The following RSRC1 variants were observed in gnomAD, a reference collection of about 807,000 sequenced individuals.
RSRC1 encodes arginine and serine rich coiled-coil 1.
Under a neutral mutation model 49.1 loss-of-function variants are expected in RSRC1, and 39 were observed. That is an observed-to-expected ratio of 0.79 (90% confidence interval 0.61 to 1.04). The LOEUF is 1.04. RSRC1 is among the 50% of genes least tolerant of loss of function. The probability of loss-of-function intolerance (pLI) is 0.00; values close to 1 mark genes in which losing one functional copy is unlikely to be tolerated. For synonymous variants in RSRC1, 143 were observed against 130.8 expected, an observed-to-expected ratio of 1.09 and a Z score of -0.63; for missense variants, 388 against 402.4, an observed-to-expected ratio of 0.96 and a Z score of 0.31.
intron 5 of RSRC1, among the ~76,000 whole-genome samples, chr3:158,333,180 G>A (rs1171349943): frequency 6.6e-6 from 1 of 152,054 alleles, no homozygotes; most frequent in Non-Finnish European, 1.5e-5. Flanking sequence ...ATGGTAGCCA[G>A]GATGGTCTCG....
intron 4 of RSRC1, among the ~76,000 whole-genome samples, chr3:158,292,677 C>G (rs1198865023): frequency 1.3e-5 from 2 of 152,200 alleles, no homozygotes; most frequent in East Asian, 3.9e-4. Flanking sequence ...CTGTCAATGT[C>G]TTGGATGTTG....
At chr3:158,200,631 G>C (rs1177948207) in intron 3 of RSRC1, among the ~76,000 whole-genome samples, 1 of 151,670 alleles carries the variant, frequency 6.6e-6, no homozygotes, top group Non-Finnish European at 1.5e-5. Context: ...GCAATCTATT[G>C]ACTTTTTAGC....
chr3:158,122,842 T>C (rs1404982556), intron 2 of RSRC1, among the ~76,000 whole-genome samples: 1 of 152,136 alleles, frequency 6.6e-6, no homozygotes, highest in Non-Finnish European at 1.5e-5. Context: ...TGGTTTTTTG[T>C]CCTTGCGATA....
chr3:158,381,826 G>A (rs1398793788), intron 6 of RSRC1, among the ~76,000 whole-genome samples: 3 of 152,152 alleles, frequency 2.0e-5, no homozygotes, highest in African/African-American at 7.2e-5. Flanking sequence ...AATAGACTTT[G>A]TAGGTGAGTC....
intron 4 of RSRC1, among the ~76,000 whole-genome samples, chr3:158,241,538 ATTTT>A (rs144276731): frequency 1.3e-5 from 2 of 149,238 alleles, no homozygotes; most frequent in Non-Finnish European, 3.0e-5. Context: ...AGTGTAGACT[ATTTT>A]TTTTTTCTAA....
intron 7 of RSRC1, among the ~76,000 whole-genome samples, chr3:158,474,942 G>A (rs960684250): frequency 6.6e-6 from 1 of 152,056 alleles, no homozygotes; most frequent in Non-Finnish European, 1.5e-5. Context: ...TTGAGATAGG[G>A]TCTTGCTTAG....
chr3:158,161,681 G>A (rs1274571358), intron 3 of RSRC1, among the ~76,000 whole-genome samples: 1 of 152,160 alleles, frequency 6.6e-6, no homozygotes, highest in African/African-American at 2.4e-5. Context: ...AGAATCGCTT[G>A]AACCTGGGAG....
At chr3:158,255,665 A>G (rs1724504131) in intron 4 of RSRC1, among the ~76,000 whole-genome samples, 1 of 152,180 alleles carries the variant, frequency 6.6e-6, no homozygotes, top group Non-Finnish European at 1.5e-5. Context: ...CAGTATGGCC[A>G]TTTTGATTCT....
chr3:158,486,146 A>G (rs564631223), intron 7 of RSRC1, among the ~76,000 whole-genome samples: 1 of 152,264 alleles, frequency 6.6e-6, no homozygotes, highest in South Asian at 2.1e-4. Context: ...AATATATTGT[A>G]TTACTCTTTT....
At position 158,487,955 on chromosome 3, in the gene RSRC1, A is replaced by AAAAAAAAAAAAAAAAAAAAC. The variant is rs1738892674; in HGVS notation, c.652+26953_652+26972dup. ...ACAAGAGACTCCATCTCAAGAAAAA[A>AAAAAAAAAAAAAAAAAAAAC]AAAAAAAAAAAAAAAAAAACTGGCT... On this transcript the variant is annotated intron_variant, in intron 7 of 9. Coordinates refer to ENST00000611884, the MANE Select transcript of RSRC1 (RefSeq NM_001271838.2). Among the ~76,000 whole-genome samples, 2 of 143,272 alleles carry AAAAAAAAAAAAAAAAAAAAC rather than the reference A, an allele frequency of 1.4e-5. 1 individual carries two copies. The highest frequency in any genetic ancestry group is 3.0e-5 in the Non-Finnish European group (2 of 66,170). The allele number at this position is 143,272 out of a possible 152,430, so 94.0% of individuals were successfully genotyped here.
At chr3:158,266,047 T>C (rs1725156926) in intron 4 of RSRC1, among the ~76,000 whole-genome samples, 2 of 152,180 alleles carry the variant, frequency 1.3e-5, no homozygotes, top group African/African-American at 2.4e-5. Context: ...CTGTTTTATT[T>C]ATCTATATAT....
chr3:158,484,848 T>A (rs1738756315), intron 7 of RSRC1, among the ~76,000 whole-genome samples: 1 of 152,126 alleles, frequency 6.6e-6, no homozygotes, highest in Admixed American at 6.6e-5. Flanking sequence ...CTGTAATTCT[T>A]CAGTAAAATG....
chr3:158,203,101 A>G lies in RSRC1; in HGVS notation c.350A>G (p.His117Arg), dbSNP rs752943218. ...RSRSRPRLRSHSRSSERSSHR... is the reference protein window; with the variant it reads ...RSRSRPRLRSRSRSSERSSHR... ...AGGTCAAGACCTCGTCTCCGTTCTC[A>G]TAGTCGTAGCAGTGAAAGGTCCAGT... is the stretch of plus-strand genomic sequence containing the variant. The change falls in exon 4 of 10, where the codon CAT (histidine) becomes CGT (arginine). Residue 117 changes from histidine to arginine, a missense_variant. His to Arg is a conservative substitution (Grantham distance 29). Transcript: ENST00000611884. The G allele has an allele frequency of 3.7e-6, 6 of 1,613,514 alleles. No individual in the cohort carries two copies. The highest frequency in any genetic ancestry group is 2.7e-5 in the African/African-American group (2 of 75,048).
Position 158,329,995 on chromosome 3 carries a change from C to T in RSRC1, c.532-24862C>T, listed in dbSNP as rs554836185. Among the ~76,000 whole-genome samples the T allele has an allele frequency of 1.1e-3, 173 of 152,320 alleles. 1 individual carries two copies. The highest frequency in any genetic ancestry group is 4.0e-3 in the African/African-American group (166 of 41,590). On this transcript the variant is annotated intron_variant, in intron 5 of 9. Coordinates refer to ENST00000611884, the MANE Select transcript of RSRC1 (RefSeq NM_001271838.2). The stretch of plus-strand genomic sequence containing the variant: ...GTTCGATCTCAGAGTGTTGTGCTAG[C>T]AATGAGCGAGGCTCCGTGGGCGTTG...
intron 5 of RSRC1, among the ~76,000 whole-genome samples, chr3:158,306,474 C>T (rs1322990966): frequency 6.6e-6 from 1 of 151,692 alleles, no homozygotes; most frequent in Non-Finnish European, 1.5e-5. Context: ...TTGAGGAGCA[C>T]GTAATTTGTC....
chr3:158,185,892 T>C (rs1333058675), intron 3 of RSRC1, among the ~76,000 whole-genome samples: 2 of 152,006 alleles, frequency 1.3e-5, no homozygotes, highest in Non-Finnish European at 2.9e-5. Flanking sequence ...TCATTTCCTT[T>C]AGAACAATGA....
intron 3 of RSRC1, among the ~76,000 whole-genome samples, chr3:158,139,668 C>G (rs1409317032): frequency 6.8e-6 from 1 of 146,008 alleles, no homozygotes; most frequent in Non-Finnish European, 1.5e-5. Flanking sequence ...GAGCCTCGCT[C>G]TTTCGCCCAG....
chr3:158,179,652 G>GT (rs200634068), intron 3 of RSRC1, among the ~76,000 whole-genome samples: 1,531 of 151,750 alleles, frequency 0.01, 11 homozygotes, highest in Middle Eastern at 0.014. Flanking sequence ...TCCATTGAAA[G>GT]TTTTTTTTCA....
intron 5 of RSRC1, among the ~76,000 whole-genome samples, chr3:158,334,429 A>G (rs1490136573): frequency 3.9e-5 from 6 of 152,040 alleles, no homozygotes; most frequent in South Asian, 2.1e-4. Flanking sequence ...TCTTGCTTTT[A>G]TGGGAGAATC....
Sources: allele counts gnomAD v4.1 joint callset (sites outside exome capture counted in the v4.1 genomes callset), GRCh38; gene constraint gnomAD v4.1.1; transcripts MANE v1.5; gene names NCBI Gene and HGNC (gene_info 2026-07-23, HGNC 2026-07-21).